Variants in LRRC49 observed in about 807,000 individuals in gnomAD.
The protein encoded by LRRC49 is leucine rich repeat containing 49.
In LRRC49, 50 loss-of-function variants were observed where a neutral mutation model predicts 83.3. The observed-to-expected ratio is 0.60, with a 90% CI of 0.48 to 0.76. The LOEUF (loss-of-function observed/expected upper bound fraction) is 0.76. LRRC49 is among the 30% of genes least tolerant of loss of function. The probability of loss-of-function intolerance (pLI) is 0.00; values close to 1 mark genes in which losing one functional copy is unlikely to be tolerated. For missense variants in LRRC49, 704 were observed against 809.1 expected (o/e 0.87, Z 1.58); for synonymous variants, 286 against 283.3 (o/e 1.01, Z -0.10).
chr15:71,039,874 ATTGT>A (rs1047693839), intron 15 of LRRC49, among the ~76,000 whole-genome samples: 3 of 152,232 alleles, frequency 2.0e-5, no homozygotes, highest in Admixed American at 2.0e-4. Context: ...TGATTTTAAA[ATTGT>A]TTGAGAGTAT....
intron 5 of LRRC49, among the ~76,000 whole-genome samples, chr15:70,905,979 G>A (rs749164485): frequency 4.6e-5 from 7 of 151,988 alleles, no homozygotes; most frequent in Non-Finnish European, 1.0e-4. Flanking sequence ...CTCAGACAGT[G>A]AGCTTAGGAA....
Position 70,860,012 on chromosome 15 carries a change from G to A in LRRC49, c.-299+6543G>A, listed in dbSNP as rs367996987. ...CACCTATGGGGACCTCACAAGCCCC[G>A]GCCTCAGCTACAGCCTGGGCTCCAG... On this transcript the variant is annotated intron_variant, in intron 1 of 16. Coordinates refer to the LRRC49 transcript ENST00000544974. 355 of 749,382 alleles carry A rather than the reference G, an allele frequency of 4.7e-4. 3 individuals carry two copies. Among genetic ancestry groups the A allele is most frequent in the South Asian group, 4.6e-3 (338 of 72,698 alleles). 46.4% of individuals were successfully genotyped at this position (749,382 alleles called of 1,614,324 possible).
At chr15:70,883,443 C>T (rs2033320090) in intron 2 of LRRC49, among the ~76,000 whole-genome samples, 1 of 152,172 alleles carries the variant, frequency 6.6e-6, no homozygotes, top group Non-Finnish European at 1.5e-5. Context: ...ATCTGCCCGC[C>T]TCAGCCTCCC....
At chr15:70,877,523 A>G (rs921951790) in intron 2 of LRRC49, among the ~76,000 whole-genome samples, 1 of 151,996 alleles carries the variant, frequency 6.6e-6, no homozygotes, top group South Asian at 2.1e-4. Flanking sequence ...GTTGTTTTGT[A>G]TATGTTTGTT....
At chr15:70,892,080 C>G, upstream of LRRC49, 1 of 1,613,940 alleles carries the variant, frequency 6.2e-7, no homozygotes, top group Non-Finnish European at 8.5e-7. Flanking sequence ...ACCGAAGAGA[C>G]GTCAAAACAG....
intron 9 of LRRC49, 27 bp from the exon 10 acceptor site, chr15:70,980,074 T>C (rs1415414479): frequency 1.3e-6 from 2 of 1,496,528 alleles, no homozygotes; most frequent in African/African-American, 1.4e-5. Context: ...AAACTCTTCA[T>C]AATACTTTTC....
intron 11 of LRRC49, among the ~76,000 whole-genome samples, chr15:71,005,865 G>C (rs1291313898): frequency 6.6e-6 from 1 of 152,140 alleles, no homozygotes; most frequent in Non-Finnish European, 1.5e-5. Flanking sequence ...AAAACTAGAA[G>C]AACAATCCCC....
At chr15:71,016,427 A>C (rs1392689002) in intron 14 of LRRC49, among the ~76,000 whole-genome samples, 1 of 152,122 alleles carries the variant, frequency 6.6e-6, no homozygotes, top group Admixed American at 6.5e-5. Flanking sequence ...GAAAGATTAG[A>C]AAGTAATGAA....
intron 2 of LRRC49, among the ~76,000 whole-genome samples, chr15:70,874,854 A>G (rs1317775650): frequency 6.6e-6 from 1 of 152,194 alleles, no homozygotes; most frequent in African/African-American, 2.4e-5. Flanking sequence ...TCTTCAACAA[A>G]TATTAACTGA....
rs527969571 is a variant in LRRC49, at chr15:71,012,027, A to G, written c.1594-777A>G. Among the ~76,000 whole-genome samples the G allele has an allele frequency of 3.9e-5, 6 of 152,228 alleles. No homozygotes were observed. The East Asian group carries it at 1.2e-3, about 29-fold the overall frequency. ...AGCAACCCTGGTCTCTACCCACTAG[A>G]TGCCCGTAATGTCCAGAAATAACTA... On this transcript the variant is annotated intron_variant, in intron 13 of 15. Transcript: ENST00000260382.
intron 2 of LRRC49, among the ~76,000 whole-genome samples, chr15:70,885,295 T>C (rs988882421): frequency 2.0e-5 from 3 of 152,094 alleles, no homozygotes; most frequent in Non-Finnish European, 4.4e-5. Flanking sequence ...TAACATAAAA[T>C]GGGGCAGACG....
At position 70,904,040 on chromosome 15, in the gene LRRC49, A is replaced by C. The variant is rs564640651; in HGVS notation, c.297-512A>C. On this transcript the variant is annotated intron_variant, in intron 4 of 15. Transcript: ENST00000260382. ...TCAGGTTGAATTTTTTTTTTTAATC[A>C]AAGTGAACTCTAGATGACTGAATTT... is the stretch of plus-strand genomic sequence containing the variant. Among the ~76,000 whole-genome samples, 11 of 152,184 alleles carry C rather than the reference A, an allele frequency of 7.2e-5. 1 individual carries two copies. The South Asian group carries it at 2.3e-3, about 32-fold the overall frequency.
At chr15:71,016,102 G>T (rs1336131738) in intron 14 of LRRC49, among the ~76,000 whole-genome samples, 1 of 152,128 alleles carries the variant, frequency 6.6e-6, no homozygotes, top group African/African-American at 2.4e-5. Context: ...CAATATGCTT[G>T]CCTCTAAGTG....
chr15:70,913,589 A>G (rs1191152009), intron 6 of LRRC49, among the ~76,000 whole-genome samples: 1 of 152,214 alleles, frequency 6.6e-6, no homozygotes, highest in African/African-American at 2.4e-5. Flanking sequence ...CCACCAGAGA[A>G]CAGAGCATGT....
chr15:71,051,330 C>T lies in LRRC49; in HGVS notation c.*1718C>T, dbSNP rs776168271. ...TGAGCTTTAATTATTACTCTTTTGG[C>T]TGTAGGTTGAACAATAGGGTTGGTG... On this transcript the variant is annotated 3_prime_UTR_variant, in exon 16 of 16. Transcript: ENST00000260382. The T allele has an allele frequency of 6.6e-6, 1 of 152,210 alleles. No individual in the cohort carries two copies. Among genetic ancestry groups the T allele is most frequent in the Non-Finnish European group, 1.5e-5 (1 of 68,052 alleles). The allele number at this position is 152,210 out of a possible 1,614,324, so 9.4% of individuals were successfully genotyped here. A position where few individuals can be genotyped will look rare whatever the true frequency, so the allele number is the denominator to read the frequency against.
Position 70,901,011 on chromosome 15 carries a change from T to C in LRRC49, c.283T>C (p.Leu95=). 1 of 1,603,588 alleles carries C rather than the reference T, an allele frequency of 6.2e-7. No homozygotes were observed. The highest frequency in any genetic ancestry group is 1.3e-5 in the African/African-American group (1 of 74,496). The part of the protein sequence containing the change: ...SEEKILYSDR[L]SLERQKLTVC... ...AGAGAAAATTCTTTACTCAGACAGG[T>C]TGAGCCTAGAAAGGTGAGGACAATT... The change falls in exon 4 of 16, where the codon TTG becomes CTG. Residue 95 remains leucine (L), a synonymous_variant. Coordinates refer to ENST00000260382, the MANE Select transcript of LRRC49 (RefSeq NM_017691.5).
In LRRC49 at chr15:70,952,632, A is replaced by G. The variant is rs370495536; in HGVS notation, c.774-11153A>G. Among the ~76,000 whole-genome samples the G allele has an allele frequency of 8.5e-5, 13 of 152,210 alleles. No individual in the cohort carries two copies. The South Asian group carries it at 1.5e-3, about 17-fold the overall frequency. ...TGTTGATGGTTGGAGTGTTCTGTAG[A>G]TGTCTATTAGGTCCAGTTAGTCAAG... On this transcript the variant is annotated intron_variant, in intron 8 of 15. Coordinates refer to ENST00000260382, the MANE Select transcript of LRRC49 (RefSeq NM_017691.5).
intron 6 of LRRC49, among the ~76,000 whole-genome samples, chr15:70,917,583 A>C (rs11634458): frequency 0.29 from 44,063 of 152,078 alleles, 7,864 homozygotes; most frequent in Non-Finnish European, 0.39. Context: ...TGATGGGATG[A>C]CCAGTTGCAA....
chr15:70,861,205 A>G (rs923862402), intron 1 of LRRC49, among the ~76,000 whole-genome samples: 24 of 152,320 alleles, frequency 1.6e-4, no homozygotes, highest in African/African-American at 5.5e-4. Flanking sequence ...AGATTGAATT[A>G]TATAACACAT....
Sources: allele counts gnomAD v4.1 joint callset (sites outside exome capture counted in the v4.1 genomes callset), GRCh38; gene constraint gnomAD v4.1.1; transcripts MANE v1.5; gene names NCBI Gene and HGNC (gene_info 2026-07-23, HGNC 2026-07-21).